KALRN: variants seen among roughly 807,000 people sequenced by gnomAD.
KALRN encodes kalirin.
A neutral mutation model predicts 353.7 loss-of-function variants in KALRN; 70 were observed. The observed-to-expected ratio is 0.20, with a 90% CI of 0.16 to 0.24. The LOEUF is 0.24. Ranked by LOEUF, KALRN falls within the 10% of genes least tolerant of loss-of-function variation. The probability of loss-of-function intolerance (pLI) is 1.00; values close to 1 mark genes in which losing one functional copy is unlikely to be tolerated. For missense variants in KALRN, 2,791 were observed against 3,756.7 expected, an observed-to-expected ratio of 0.74 and a Z score of 6.72; for synonymous variants, 1,391 against 1,434.8, an observed-to-expected ratio of 0.97 and a Z score of 0.69.
At chr3:124,645,173 CGTTT>C (rs1272833480) in intron 37 of KALRN, among the ~76,000 whole-genome samples, 17 of 151,854 alleles carry the variant, frequency 1.1e-4, no homozygotes, top group African/African-American at 3.1e-4. Flanking sequence ...TTGATGGGGT[CGTTT>C]GTTTGTTTCT....
intron 1 of KALRN, among the ~76,000 whole-genome samples, chr3:124,053,872 T>C (rs1441270339): frequency 6.6e-6 from 1 of 152,240 alleles, no homozygotes; most frequent in Non-Finnish European, 1.5e-5. Flanking sequence ...TCCGCTTGGC[T>C]TGTTGTGCAT....
Position 124,413,681 on chromosome 3 carries a change from C to A in KALRN, c.2542+16C>A. 6.2e-7 allele frequency: 1 copy of A among 1,605,972 alleles called. No homozygotes were observed. The highest frequency in any genetic ancestry group is 1.1e-5 in the South Asian group (1 of 90,204). ...CAGGCATCAGGTGGGTGACCTCGCT[C>A]ATTCTCCTGGCAGAGGAGATGATGA... On this transcript the variant is annotated intron_variant, in intron 14 of 59. Transcript: ENST00000682506.
intron 6 of KALRN, among the ~76,000 whole-genome samples, chr3:124,301,573 T>C (rs2077271046): frequency 1.3e-5 from 2 of 152,120 alleles, no homozygotes; most frequent in Non-Finnish European, 2.9e-5. Flanking sequence ...ACCTGGTGCC[T>C]TTGTTAAATG....
At chr3:124,110,859 T>C (rs1490148599) in intron 1 of KALRN, among the ~76,000 whole-genome samples, 1 of 152,180 alleles carries the variant, frequency 6.6e-6, no homozygotes, top group Non-Finnish European at 1.5e-5. Flanking sequence ...ATCAAAGTCT[T>C]CTGGGGCAGA....
rs937190693 is a variant in KALRN at position 124,563,103 on chromosome 3, G to C, written c.5182+14G>C. The C allele has an allele frequency of 7.3e-7, 1 of 1,364,074 alleles. No individual in the cohort carries two copies. Among genetic ancestry groups the C allele is most frequent in the East Asian group, 4.6e-5 (1 of 21,906 alleles). The allele number at this position is 1,364,074 out of a possible 1,614,324, so 84.5% of individuals were successfully genotyped here. A position where few individuals can be genotyped will look rare whatever the true frequency, so the allele number is the denominator to read the frequency against. On this transcript the variant is annotated intron_variant, in intron 34 of 59. Transcript: ENST00000682506. ...CCTTGGTGAAAGGTAGGAGAACAGA[G>C]CGGGTGGGAGGCACAGACCAAGGAG...
intron 6 of KALRN, among the ~76,000 whole-genome samples, chr3:124,315,387 C>T (rs2078709165): frequency 6.6e-6 from 1 of 152,210 alleles, no homozygotes; most frequent in Admixed American, 6.5e-5. Flanking sequence ...CTGCAAGGCT[C>T]CTCTGAGCTG....
intron 1 of KALRN, among the ~76,000 whole-genome samples, chr3:124,188,710 C>T (rs2074529268): frequency 6.6e-6 from 1 of 152,050 alleles, no homozygotes; most frequent in South Asian, 2.1e-4. Context: ...TGAGATTTAC[C>T]CTACCTGCTA....
intron 1 of KALRN, among the ~76,000 whole-genome samples, chr3:124,154,600 T>G (rs1177387880): frequency 6.6e-6 from 1 of 152,068 alleles, no homozygotes; most frequent in Non-Finnish European, 1.5e-5. Context: ...CACTGCTCAA[T>G]GAAATAAAAG....
Position 124,347,273 on chromosome 3 carries a change from G to T in KALRN, c.1770+8G>T, listed in dbSNP as rs1286103254. ...TTTGAAGAGGTGGCTCAGGTGAGAA[G>T]CTGTGTGTGTGTGTGTGTGTGTGTG... On this transcript the variant is annotated splice_region_variant and intron_variant, in intron 10 of 59. Transcript: ENST00000682506. 3 of 1,255,100 alleles carry T rather than the reference G, an allele frequency of 2.4e-6. No individual in the cohort carries two copies. The highest frequency in any genetic ancestry group is 5.3e-5 in the East Asian group (1 of 18,710). The allele number at this position is 1,255,100 out of a possible 1,614,324, so 77.7% of individuals were successfully genotyped here.
intron 45 of KALRN, among the ~76,000 whole-genome samples, 153 bp from the exon 46 acceptor site, chr3:124,666,296 G>A (rs142859676): frequency 1.2e-4 from 19 of 152,294 alleles, no homozygotes; most frequent in African/African-American, 3.6e-4. Context: ...GGATGAGTGG[G>A]TGGGTCCTAA....
chr3:124,287,772 T>TAG (rs2076050709), intron 5 of KALRN, among the ~76,000 whole-genome samples: 3 of 672 alleles, frequency 4.5e-3, no homozygotes, highest in South Asian at 0.2. Flanking sequence ...CCTAGGAAGA[T>TAG]ATATATATAT....
At chr3:124,479,934 A>T (rs2061816107) in intron 27 of KALRN, among the ~76,000 whole-genome samples, 1 of 152,052 alleles carries the variant, frequency 6.6e-6, no homozygotes, top group East Asian at 1.9e-4. Context: ...CGTGTTAGCC[A>T]GGATGGTCTC....
intron 33 of KALRN, chr3:124,518,665 T>C (rs2066899908): frequency 1.4e-6 from 2 of 1,441,156 alleles, no homozygotes; most frequent in African/African-American, 1.4e-5. Flanking sequence ...GCTCCCTTCT[T>C]CTCTACTGGG....
At chr3:124,376,469 A>T (rs1338682735) in intron 10 of KALRN, among the ~76,000 whole-genome samples, 1 of 152,172 alleles carries the variant, frequency 6.6e-6, no homozygotes, top group Non-Finnish European at 1.5e-5. Context: ...ACCAAAGACC[A>T]CTTTGCCATT....
chr3:124,301,842 C>T (rs1399364076), intron 6 of KALRN, among the ~76,000 whole-genome samples: 2 of 152,190 alleles, frequency 1.3e-5, no homozygotes, highest in Non-Finnish European at 2.9e-5. Context: ...TATACACACA[C>T]ATATACATAT....
At chr3:124,378,775 G>C (rs2149869625) in intron 10 of KALRN, among the ~76,000 whole-genome samples, 1 of 151,902 alleles carries the variant, frequency 6.6e-6, no homozygotes, top group East Asian at 1.9e-4. Flanking sequence ...TAACAAGTCT[G>C]CTATCATCCT....
chr3:124,312,784 A>G (rs2078405628), intron 6 of KALRN, among the ~76,000 whole-genome samples: 1 of 152,254 alleles, frequency 6.6e-6, no homozygotes, highest in South Asian at 2.1e-4. Context: ...CTTGAAATTT[A>G]GTCATTCCCA....
chr3:124,569,306 A>G (rs2073240734), intron 34 of KALRN, among the ~76,000 whole-genome samples: 1 of 152,142 alleles, frequency 6.6e-6, no homozygotes, highest in Non-Finnish European at 1.5e-5. Flanking sequence ...GGCCTCAGGA[A>G]CAGCTTCCCC....
At chr3:124,287,242 T>A (rs1270984118) in intron 5 of KALRN, among the ~76,000 whole-genome samples, 1 of 152,186 alleles carries the variant, frequency 6.6e-6, no homozygotes, top group East Asian at 1.9e-4. Flanking sequence ...TAGCTCTTAA[T>A]ATGCCCCACC....
Sources: gnomAD v4.1 joint callset for allele counts (sites outside exome capture counted in the v4.1 genomes callset) on GRCh38, gnomAD v4.1.1 for gene constraint, MANE v1.5 for transcripts, NCBI Gene and HGNC (gene_info 2026-07-23, HGNC 2026-07-21) for gene names.